RABGGTB: variants seen among roughly 807,000 people sequenced by gnomAD.
RABGGTB encodes the protein geranylgeranyl transferase type-2 subunit beta.
RABGGTB carries 20 observed loss-of-function variants against 44.5 expected under a neutral mutation model. The observed-to-expected ratio is 0.45, with a 90% CI of 0.32 to 0.65. The LOEUF (loss-of-function observed/expected upper bound fraction) is 0.65. RABGGTB is among the 30% of genes least tolerant of loss of function. The pLI, the probability that RABGGTB is intolerant of heterozygous loss-of-function variation, is 0.05. For synonymous variants in RABGGTB, 128 were observed against 136.7 expected (o/e 0.94, Z 0.44); for missense variants, 302 against 398.7 (o/e 0.76, Z 2.06).
At chr1:75,786,805 A>C (rs1649500764) in intron 1 of RABGGTB, 1 of 307,686 alleles carries the variant, frequency 3.3e-6, no homozygotes, top group East Asian at 9.9e-5. Context: ...AAGGTGGAGA[A>C]GATGGAGCTA....
At chr1:75,788,640 C>G (rs888529458) in intron 2 of RABGGTB, 1 of 156,130 alleles carries the variant, frequency 6.4e-6, no homozygotes, top group Non-Finnish European at 1.4e-5. Flanking sequence ...AAATTTGTTT[C>G]TGGAATCCTA....
At chr1:75,786,348 T>G in intron 1 of RABGGTB, 74 bp downstream of exon 1, 1 of 1,580,722 alleles carries the variant, frequency 6.3e-7, no homozygotes, top group South Asian at 1.1e-5. Flanking sequence ...AGCACACTGG[T>G]CACCTTAGGA....
At position 75,789,594 on chromosome 1, in the gene RABGGTB, A is replaced by G. The variant is rs778392794; in HGVS notation, c.309+238A>G. ...TCAGTATGTGTAAATACTGTAAAAT[A>G]GCTAAATGGAGCTATTTGATTTTGA... is the stretch of plus-strand genomic sequence containing the variant. On this transcript the variant is annotated intron_variant, in intron 3 of 8. Transcript: ENST00000319942. 4 of 699,546 alleles carry G rather than the reference A, an allele frequency of 5.7e-6. No homozygotes were observed. In the East Asian group the frequency reaches 1.0e-4, roughly 18 times the overall value. The allele number at this position is 699,546 out of a possible 1,614,324, so 43.3% of individuals were successfully genotyped here. A position where few individuals can be genotyped will look rare whatever the true frequency, so the allele number is the denominator to read the frequency against.
intron 2 of RABGGTB, chr1:75,788,881 C>A: frequency 2.3e-6 from 1 of 428,342 alleles, no homozygotes; most frequent in South Asian, 3.5e-5. Flanking sequence ...TTTTCTGTCT[C>A]TGGCTCATGG....
chr1:75,789,023 TCA>T (rs1405265558), intron 2 of RABGGTB, 134 bp from the exon 3 acceptor site: 9 of 695,296 alleles, frequency 1.3e-5, no homozygotes, highest in Non-Finnish European at 1.9e-5. Flanking sequence ...GATTTTAAAC[TCA>T]CTACTGATCA....
rs1247805855 is a variant in RABGGTB at position 75,787,948 on chromosome 1, A to G, written c.111+344A>G. The stretch of plus-strand genomic sequence containing the variant: ...TATTGCTGATGTGTAATAACACTTT[A>G]GCTCTAGAATTACTCTGAGACCTTG... On this transcript the variant is annotated intron_variant, in intron 2 of 8. Transcript: ENST00000319942. The G allele has an allele frequency of 2.7e-5, 15 of 546,586 alleles. No homozygotes were observed. The Admixed American group carries it at 2.9e-4, about 11-fold the overall frequency. The allele number at this position is 546,586 out of a possible 1,614,324, so 33.9% of individuals were successfully genotyped here.
chr1:75,789,329 T>A lies in RABGGTB; in HGVS notation c.282T>A (p.His94Gln), dbSNP rs1231819201. Residue 94 changes from histidine to glutamine, a missense_variant, in exon 3 of 9, where the codon CAT (histidine) becomes CAA (glutamine). Transcript: ENST00000319942. Reference sequence around the variant, plus strand: ...GTGCTAGTATCGGACATGATCCTCATCTTTTATACACTCTTAGTGCTGTCC... The same window carrying A: ...GTGCTAGTATCGGACATGATCCTCAACTTTTATACACTCTTAGTGCTGTCC... ...GISASIGHDP[H>Q]LLYTLSAVQI... 6.2e-7 allele frequency: 1 copy of A among 1,614,130 alleles called. No individual in the cohort carries two copies. The highest frequency in any genetic ancestry group is 8.5e-7 in the Non-Finnish European group (1 of 1,179,996).
chr1:75,789,220 A>C lies in RABGGTB; in HGVS notation c.173A>C (p.Asp58Ala). ...ATCTATTGGGGTCTGACAGTAATGG[A>C]TCTCATGGGACAACTTCATCGCATG... is the stretch of plus-strand genomic sequence containing the variant. Reference protein sequence around the residue: ...SGIYWGLTVMDLMGQLHRMNR... With the variant: ...SGIYWGLTVMALMGQLHRMNR... The change falls in exon 3 of 9, where the codon GAT becomes GCT. Residue 58 changes from aspartate to alanine, a missense_variant. By Grantham distance (126) the Asp-to-Ala change is moderately radical. Transcript: ENST00000319942. The C allele has an allele frequency of 6.2e-7, 1 of 1,614,092 alleles. No individual in the cohort carries two copies. Among genetic ancestry groups the C allele is most frequent in the Non-Finnish European group, 8.5e-7 (1 of 1,179,966 alleles).
At chr1:75,791,691 G>C (rs1649651365) in intron 6 of RABGGTB, 120 bp downstream of exon 6, 8 of 809,586 alleles carry the variant, frequency 9.9e-6, no homozygotes, top group Non-Finnish European at 1.6e-5. Context: ...CTGTAATAGG[G>C]CATCTTACAT....
Position 75,792,320 on chromosome 1 carries a change from A to C in RABGGTB, c.705+14A>C. ...AGGCCGGAGAAGGTATTGTTTGATA[A>C]GCCATATTCTGCTAGCTTTAGAACC... On this transcript the variant is annotated intron_variant, in intron 7 of 8. Transcript: ENST00000319942. 1 of 1,611,478 alleles carries C rather than the reference A, an allele frequency of 6.2e-7. No homozygotes were observed. Among genetic ancestry groups the C allele is most frequent in the South Asian group, 1.1e-5 (1 of 90,984 alleles).
In RABGGTB at chr1:75,794,490, A is replaced by G. The variant is rs762951504; in HGVS notation, c.856-20A>G. The G allele has an allele frequency of 6.2e-7, 1 of 1,602,318 alleles. No individual in the cohort carries two copies. The highest frequency in any genetic ancestry group is 1.7e-5 in the Admixed American group (1 of 58,978). ...GAAGTTTTCATTTTGTGATCTGTAT[A>G]TAAATTCTTTTTTAAATAGGTGGAT... On this transcript the variant is annotated intron_variant, in intron 8 of 8. Transcript: ENST00000319942.
chr1:75,792,892 C>T (rs982270230), intron 7 of RABGGTB, among the ~76,000 whole-genome samples: 4 of 152,070 alleles, frequency 2.6e-5, no homozygotes, highest in Non-Finnish European at 5.9e-5. Context: ...GCAGTGACGC[C>T]ATCTTGATTC....
chr1:75,786,968 A>G (rs1399828992), intron 1 of RABGGTB: 2 of 415,138 alleles, frequency 4.8e-6, no homozygotes, highest in East Asian at 1.4e-4. Context: ...TGTAAACCGT[A>G]AGTTGTCCTG....
intron 7 of RABGGTB, chr1:75,793,793 T>C: frequency 3.6e-6 from 1 of 275,516 alleles, no homozygotes; most frequent in Admixed American, 4.7e-5. Flanking sequence ...AGGCATTCAT[T>C]GCAGATAGAA....
At chr1:75,787,760 C>A in intron 2 of RABGGTB, 156 bp downstream of exon 2, 1 of 678,342 alleles carries the variant, frequency 1.5e-6, no homozygotes, top group Non-Finnish European at 2.6e-6. Context: ...GTGCTTTGGA[C>A]GTCTGAGGCT....
intron 7 of RABGGTB, chr1:75,793,469 A>G (rs2100490400): frequency 6.6e-6 from 1 of 152,416 alleles, no homozygotes; most frequent in African/African-American, 2.4e-5. Context: ...AGCTGTCTAC[A>G]ATAGAGTGAA....
chr1:75,789,365 T>A lies in RABGGTB; in HGVS notation c.309+9T>A. ...CTCTTAGTGCTGTCCAGGTAAATACTAATCAAAATTGCAACGATCTTGATA... is the reference window on the plus strand; with the variant it reads ...CTCTTAGTGCTGTCCAGGTAAATACAAATCAAAATTGCAACGATCTTGATA... On this transcript the variant is annotated intron_variant, in intron 3 of 8. Coordinates refer to ENST00000319942, the MANE Select transcript of RABGGTB (RefSeq NM_004582.4). The A allele has an allele frequency of 6.2e-7, 1 of 1,606,668 alleles. No homozygotes were observed. The highest frequency in any genetic ancestry group is 1.1e-5 in the South Asian group (1 of 90,950).
intron 2 of RABGGTB, 185 bp downstream of exon 2, chr1:75,787,789 C>CA: frequency 1.5e-6 from 1 of 662,640 alleles, no homozygotes; most frequent in Non-Finnish European, 2.7e-6. Context: ...ATTAGAATCT[C>CA]AGTTTTTACC....
intron 2 of RABGGTB, chr1:75,787,808 G>A (rs1649537161): frequency 1.5e-6 from 1 of 686,234 alleles, no homozygotes; most frequent in African/African-American, 1.8e-5. Flanking sequence ...CCTATACTGA[G>A]AGGGCTTGCC....
Sources: allele counts gnomAD v4.1 joint callset (sites outside exome capture counted in the v4.1 genomes callset), GRCh38; gene constraint gnomAD v4.1.1; transcripts MANE v1.5; gene names NCBI Gene and HGNC (gene_info 2026-07-23, HGNC 2026-07-21).